LAD1: variants seen among roughly 807,000 people sequenced by gnomAD.
LAD1 encodes ladinin-1.
A neutral mutation model predicts 54.2 loss-of-function variants in LAD1; 53 were observed. That is an observed-to-expected ratio of 0.98 (90% CI 0.78 to 1.23). The LOEUF is 1.23. Ranked by LOEUF, LAD1 falls within the 50% of genes most tolerant of loss-of-function variation. The pLI is 0.00. For synonymous variants in LAD1, 231 were observed against 257.7 expected (o/e 0.90, Z 0.99); for missense variants, 637 against 653.3 (o/e 0.98, Z 0.27).
chr1:201,382,162 C>T (rs1338554601), intron 9 of LAD1, 90 bp downstream of exon 9: 4 of 1,146,602 alleles, frequency 3.5e-6, no homozygotes, highest in Non-Finnish European at 2.6e-6. Flanking sequence ...CGATTGCAGG[C>T]CAATTAGTGT....
intron 5 of LAD1, among the ~76,000 whole-genome samples, chr1:201,384,525 C>T (rs531675732): frequency 6.6e-6 from 1 of 152,050 alleles, no homozygotes; most frequent in African/African-American, 2.4e-5. Flanking sequence ...CAAGGCTAAA[C>T]CCTCATCCCC....
In LAD1 at chr1:201,384,830, T is replaced by C; in HGVS notation, c.1137A>G (p.Lys379=). The change falls in exon 5 of 10, where the codon AAA becomes AAG. Residue 379 remains lysine, a synonymous_variant. Coordinates refer to ENST00000391967, the MANE Select transcript of LAD1 (RefSeq NM_005558.4). ...TTGTTTCCGAGTTTTCTTTCTTGGG[T>C]TTCATCTGAAATGAGAAGGAAAGGC... ...SSPRTISFRM[K]PKKENSETTL... is the part of the protein sequence containing the mutation. 1 of 1,613,900 alleles carries C rather than the reference T, an allele frequency of 6.2e-7. No individual in the cohort carries two copies. Among genetic ancestry groups the C allele is most frequent in the East Asian group, 2.2e-5 (1 of 44,878 alleles).
chr1:201,396,773 T>C (rs1320538708), intron 1 of LAD1, among the ~76,000 whole-genome samples: 1 of 152,116 alleles, frequency 6.6e-6, no homozygotes, highest in Admixed American at 6.5e-5. Flanking sequence ...TAAGTTCCCC[T>C]TCTGCATGGT....
intron 2 of LAD1, 46 bp from the exon 3 acceptor site, chr1:201,387,224 AT>A: frequency 6.8e-7 from 1 of 1,468,180 alleles, no homozygotes; most frequent in Non-Finnish European, 9.0e-7. Flanking sequence ...GAGGTGGAAG[AT>A]ACCCTAAGTA....
intron 2 of LAD1, among the ~76,000 whole-genome samples, chr1:201,387,637 T>C (rs1002988766): frequency 1.3e-5 from 2 of 152,174 alleles, no homozygotes; most frequent in African/African-American, 4.8e-5. Context: ...CACACTCCTG[T>C]CAGTCTTGTG....
chr1:201,395,523 G>A lies in LAD1; in HGVS notation c.38+3746C>T, dbSNP rs534097067. Reference sequence around the variant, plus strand: ...AATCCCAGCACTTTGGGAGGCCAAGGCGGCCGGATCACTTGAGGGCAGGAG... The same window carrying A: ...AATCCCAGCACTTTGGGAGGCCAAGACGGCCGGATCACTTGAGGGCAGGAG... On this transcript the variant is annotated intron_variant, in intron 1 of 9. Coordinates refer to ENST00000391967, the MANE Select transcript of LAD1 (RefSeq NM_005558.4). Among the ~76,000 whole-genome samples the A allele has an allele frequency of 3.9e-5, 6 of 152,222 alleles. No homozygotes were observed. In the East Asian group the frequency reaches 1.2e-3, roughly 29 times the overall value.
intron 1 of LAD1, among the ~76,000 whole-genome samples, chr1:201,390,556 A>G (rs747823791): frequency 6.6e-6 from 1 of 152,162 alleles, no homozygotes; most frequent in Non-Finnish European, 1.5e-5. Context: ...AACATTTTAA[A>G]TGTAGTTCAA....
chr1:201,391,555 C>T (rs1156881347), intron 1 of LAD1, among the ~76,000 whole-genome samples: 3 of 152,170 alleles, frequency 2.0e-5, no homozygotes, highest in African/African-American at 7.2e-5. Flanking sequence ...GGGTCTCTGC[C>T]CTGGAGATAT....
chr1:201,397,959 C>A (rs1368201233), intron 1 of LAD1, among the ~76,000 whole-genome samples: 1 of 152,210 alleles, frequency 6.6e-6, no homozygotes, highest in Non-Finnish European at 1.5e-5. Context: ...TCAGCATAGA[C>A]CTTCCTCTAT....
At chr1:201,382,223 G>T in intron 9 of LAD1, 29 bp downstream of exon 9, 1 of 1,592,016 alleles carries the variant, frequency 6.3e-7, no homozygotes, top group Non-Finnish European at 8.6e-7. Flanking sequence ...GCCCTCCGCC[G>T]TAGGGCCAGG....
intron 1 of LAD1, among the ~76,000 whole-genome samples, chr1:201,398,596 C>T (rs1314828068): frequency 1.3e-5 from 2 of 152,172 alleles, no homozygotes; most frequent in African/African-American, 2.4e-5. Flanking sequence ...CCAGGCCTCT[C>T]GGACCCTGAT....
At position 201,383,550 on chromosome 1, in the gene LAD1, G is replaced by A. The variant is rs1662012326; in HGVS notation, c.1176-161C>T. ...GGCTGTGTTGACTTGGCCAACATGAGGAACTTACAGACGCCAGGGATTTCC... is the reference window on the plus strand; with the variant it reads ...GGCTGTGTTGACTTGGCCAACATGAAGAACTTACAGACGCCAGGGATTTCC... On this transcript the variant is annotated intron_variant, in intron 5 of 9. Transcript: ENST00000391967. The A allele has an allele frequency of 8.6e-6, 6 of 698,358 alleles. No individual in the cohort carries two copies. In the East Asian group the frequency reaches 1.3e-4, roughly 15 times the overall value. 43.3% of individuals were successfully genotyped at this position (698,358 alleles called of 1,614,324 possible). A position where few individuals can be genotyped will look rare whatever the true frequency, so the allele number is the denominator to read the frequency against.
chr1:201,382,248 T>C lies in LAD1; in HGVS notation c.1548+4A>G. ...GTAGGGCCAGGCTCCTCCCCACCAT[T>C]CACCTCAGCGTCCAGCGAGGAGTCA... is the stretch of plus-strand genomic sequence containing the variant. On this transcript the variant is annotated splice_donor_region_variant and intron_variant, in intron 9 of 9. Transcript: ENST00000391967. 1.2e-6 allele frequency: 2 copies of C among 1,611,954 alleles called. No individual in the cohort carries two copies. The highest frequency in any genetic ancestry group is 1.7e-6 in the Non-Finnish European group (2 of 1,178,582).
intron 1 of LAD1, among the ~76,000 whole-genome samples, chr1:201,395,420 C>A (rs1461218507): frequency 1.3e-5 from 2 of 152,192 alleles, no homozygotes; most frequent in African/African-American, 4.8e-5. Flanking sequence ...GAAGTGCTTA[C>A]TCTAACACCA....
chr1:201,384,940 A>G, intron 4 of LAD1, 105 bp from the exon 5 acceptor site: 1 of 1,030,086 alleles, frequency 9.7e-7, no homozygotes, highest in Non-Finnish European at 1.5e-6. Flanking sequence ...TCCTCTTCAG[A>G]CCTCCCACCC....
At chr1:201,384,571 C>G (rs939393304) in intron 5 of LAD1, among the ~76,000 whole-genome samples, 1 of 152,164 alleles carries the variant, frequency 6.6e-6, no homozygotes, top group African/African-American at 2.4e-5. Flanking sequence ...CTCCTCTGAG[C>G]AGCTCTCCCT....
rs1661958406 is a variant in LAD1, at chr1:201,381,499, G to A, written c.*389C>T. ...TCATAGACAAAGAGGCACTTGCTGG[G>A]AGCCGATGAGACAGGTGACTCTGGA... On this transcript the variant is annotated 3_prime_UTR_variant, in exon 10 of 10. Transcript: ENST00000391967. 1 of 303,400 alleles carries A rather than the reference G, an allele frequency of 3.3e-6. No individual in the cohort carries two copies. The highest frequency in any genetic ancestry group is 2.3e-5 in the African/African-American group (1 of 44,424). 18.8% of individuals were successfully genotyped at this position (303,400 alleles called of 1,614,324 possible). A position where few individuals can be genotyped will look rare whatever the true frequency, so the allele number is the denominator to read the frequency against.
At chr1:201,391,781 G>A (rs976258414) in intron 1 of LAD1, among the ~76,000 whole-genome samples, 17 of 152,198 alleles carry the variant, frequency 1.1e-4, no homozygotes, top group African/African-American at 4.1e-4. Flanking sequence ...GAGGTTCAGG[G>A]TTTGCTGGGG....
intron 2 of LAD1, 75 bp downstream of exon 2, chr1:201,389,085 A>C: frequency 6.5e-7 from 1 of 1,531,458 alleles, no homozygotes. Context: ...CTCCCTGAGC[A>C]GACTGAATAT....
Sources: gnomAD v4.1 joint callset for allele counts (sites outside exome capture counted in the v4.1 genomes callset) on GRCh38, gnomAD v4.1.1 for gene constraint, MANE v1.5 for transcripts, NCBI Gene and HGNC (gene_info 2026-07-23, HGNC 2026-07-21) for gene names.